The following CADM1 variants were observed in gnomAD, a reference collection of about 807,000 sequenced individuals.
CADM1 encodes TSLC-1.
A neutral mutation model predicts 53.1 loss-of-function variants in CADM1; 15 were observed. The observed-to-expected ratio is 0.28, with a 90% CI of 0.19 to 0.44. CADM1 has a LOEUF of 0.44. Among genes scored for constraint, CADM1 ranks in the 20% least tolerant of loss-of-function variants. The pLI is 1.00. For synonymous variants in CADM1, 281 were observed against 243.0 expected (o/e 1.16, Z -1.45); for missense variants, 434 against 611.3 (o/e 0.71, Z 3.06).
intron 2 of CADM1, 25 bp from the exon 3 acceptor site, chr11:115,238,677 T>C: frequency 6.2e-7 from 1 of 1,612,618 alleles, no homozygotes. Context: ...AGAGAGTTAG[T>C]GATTGTGAGA....
chr11:115,178,981 A>C, intron 10 of CADM1: 2 of 614,898 alleles, frequency 3.3e-6, no homozygotes, highest in Non-Finnish European at 5.9e-6. Flanking sequence ...AGGCAATTTC[A>C]TGATAAGCAG....
At chr11:115,238,089 CAG>C in intron 3 of CADM1, among the ~76,000 whole-genome samples, 1 of 152,250 alleles carries the variant, frequency 6.6e-6, no homozygotes, top group Non-Finnish European at 1.5e-5. Context: ...GGATGTAACT[CAG>C]AAGGAAAAAT....
chr11:115,234,208 T>C lies in CADM1; in HGVS notation c.425-2718A>G, dbSNP rs184922665. 3.3e-5 allele frequency among the ~76,000 whole-genome samples: 5 copies of C among 152,356 alleles called. No homozygotes were observed. In the East Asian group the frequency reaches 9.6e-4, roughly 29 times the overall value. ...CTTCTCCTAACCTTCACTACCTCGTTCATCTTCAATGATATTTCTCAGTGG... is the reference window on the plus strand; with the variant it reads ...CTTCTCCTAACCTTCACTACCTCGTCCATCTTCAATGATATTTCTCAGTGG... On this transcript the variant is annotated intron_variant, in intron 3 of 11. Coordinates refer to ENST00000331581, the MANE Select transcript of CADM1 (RefSeq NM_001301043.2).
At chr11:115,417,284 G>T (rs1947620759) in intron 1 of CADM1, among the ~76,000 whole-genome samples, 2 of 152,136 alleles carry the variant, frequency 1.3e-5, no homozygotes, top group African/African-American at 4.8e-5. Context: ...ATGACTAAGG[G>T]AGCTCACCGT....
At chr11:115,393,619 T>TA (rs140656381) in intron 1 of CADM1, among the ~76,000 whole-genome samples, 1,874 of 150,720 alleles carry the variant, frequency 0.012, 46 homozygotes, top group African/African-American at 0.042. Context: ...ATTCCCCTAT[T>TA]AAAAAAAAAT....
intron 1 of CADM1, among the ~76,000 whole-genome samples, chr11:115,295,551 A>ATAT (rs1944055306): frequency 1.7e-4 from 7 of 40,210 alleles, no homozygotes; most frequent in African/African-American, 2.8e-4. Context: ...TATATATATA[A>ATAT]TATATATGTA....
chr11:115,189,139 A>G (rs1591587345), intron 10 of CADM1, among the ~76,000 whole-genome samples: 1 of 152,118 alleles, frequency 6.6e-6, no homozygotes, highest in African/African-American at 2.4e-5. Context: ...GGGGAGGGGG[A>G]CAACATAATT....
intron 1 of CADM1, among the ~76,000 whole-genome samples, chr11:115,325,059 T>C (rs957992755): frequency 1.3e-5 from 2 of 152,196 alleles, no homozygotes; most frequent in Non-Finnish European, 2.9e-5. Context: ...CGTTAGAGCA[T>C]CTATTAAGAG....
chr11:115,329,751 G>A (rs1945082440), intron 1 of CADM1, among the ~76,000 whole-genome samples: 1 of 152,128 alleles, frequency 6.6e-6, no homozygotes, highest in Admixed American at 6.6e-5. Flanking sequence ...ACAAACTGAA[G>A]GATGGTAAAT....
intron 1 of CADM1, among the ~76,000 whole-genome samples, chr11:115,361,891 TTTTGTTTTGTTTTG>T (rs371679369): frequency 1.4e-3 from 210 of 147,376 alleles, no homozygotes; most frequent in African/African-American, 4.8e-3. Context: ...ACACCCGAGT[TTTTGTTTTGTTTTG>T]TTTTGTTTTG....
intron 1 of CADM1, among the ~76,000 whole-genome samples, chr11:115,308,692 A>G (rs960737046): frequency 6.6e-6 from 1 of 151,936 alleles, no homozygotes; most frequent in Non-Finnish European, 1.5e-5. Flanking sequence ...ACAGTATAAT[A>G]GTAACACAGC....
chr11:115,322,831 A>AT (rs537085567), intron 1 of CADM1, among the ~76,000 whole-genome samples: 282 of 152,194 alleles, frequency 1.9e-3, no homozygotes, highest in Non-Finnish European at 3.1e-3. Context: ...TATTGTTTCC[A>AT]TTTTTTTGAT....
chr11:115,326,953 T>G (rs886488622), intron 1 of CADM1, among the ~76,000 whole-genome samples: 23 of 152,188 alleles, frequency 1.5e-4, no homozygotes, highest in Non-Finnish European at 3.4e-4. Context: ...GGCTATACTT[T>G]CTAAAGTACT....
chr11:115,326,481 C>T (rs1944962509), intron 1 of CADM1, among the ~76,000 whole-genome samples: 1 of 152,068 alleles, frequency 6.6e-6, no homozygotes, highest in Non-Finnish European at 1.5e-5. Flanking sequence ...TTGATTATGA[C>T]CAAAATTAAA....
chr11:115,291,501 C>T (rs967641928), intron 1 of CADM1, among the ~76,000 whole-genome samples: 4 of 152,192 alleles, frequency 2.6e-5, no homozygotes, highest in Non-Finnish European at 5.9e-5. Context: ...TCCTAGCAAA[C>T]GGGAGCTCAT....
chr11:115,231,335 T>C lies in CADM1; in HGVS notation c.562+18A>G, dbSNP rs765103367. 8.7e-6 allele frequency: 14 copies of C among 1,613,860 alleles called. No individual in the cohort carries two copies. In the East Asian group the frequency reaches 2.9e-4, roughly 33 times the overall value. Reference sequence around the variant, plus strand: ...AGAATCAGCTAACTACTTCAGTGTGTGGCAATCTGCAGCTTACCTTTTAGC... The same window carrying C: ...AGAATCAGCTAACTACTTCAGTGTGCGGCAATCTGCAGCTTACCTTTTAGC... On this transcript the variant is annotated intron_variant, in intron 4 of 11. Transcript: ENST00000331581.
chr11:115,388,323 A>G (rs1299014196), intron 1 of CADM1, among the ~76,000 whole-genome samples: 1 of 152,158 alleles, frequency 6.6e-6, no homozygotes, highest in African/African-American at 2.4e-5. Context: ...ACTGACTGGT[A>G]AAGGTTGATG....
intron 5 of CADM1, among the ~76,000 whole-genome samples, chr11:115,227,464 T>G (rs1941653179): frequency 6.6e-6 from 1 of 152,196 alleles, no homozygotes; most frequent in South Asian, 2.1e-4. Context: ...TGGGTGAATA[T>G]CTACTCAGGA....
intron 1 of CADM1, among the ~76,000 whole-genome samples, chr11:115,260,454 G>A (rs1942937606): frequency 6.6e-6 from 1 of 152,218 alleles, no homozygotes. Context: ...GTAATATGTG[G>A]CCAGTGGGCC....
Sources: allele counts gnomAD v4.1 joint callset (sites outside exome capture counted in the v4.1 genomes callset), GRCh38; gene constraint gnomAD v4.1.1; transcripts MANE v1.5; gene names NCBI Gene and HGNC (gene_info 2026-07-23, HGNC 2026-07-21).